The following COL4A2 variants were observed in gnomAD, a reference collection of about 807,000 sequenced individuals.
COL4A2 encodes collagen alpha-2(IV) chain.
COL4A2 carries 99 observed loss-of-function variants against 200.2 expected under a neutral mutation model. That is an observed-to-expected ratio of 0.49 (90% CI 0.42 to 0.58). The LOEUF (loss-of-function observed/expected upper bound fraction) is 0.58, where lower values mean the gene tolerates loss of function less well. Among genes scored for constraint, COL4A2 ranks in the 20% least tolerant of loss-of-function variants. COL4A2 has a pLI of 0.00. For synonymous variants in COL4A2, 897 were observed against 900.6 expected, an observed-to-expected ratio of 1.00 and a Z score of 0.07; for missense variants, 1,950 against 2,314.1, an observed-to-expected ratio of 0.84 and a Z score of 3.23.
intron 4 of COL4A2, among the ~76,000 whole-genome samples, chr13:110,397,546 A>G (rs1240643956): frequency 1.3e-5 from 2 of 152,230 alleles, no homozygotes; most frequent in African/African-American, 2.4e-5. Context: ...ATATTTCACA[A>G]TCTTGGCAAG....
Position 110,313,568 on chromosome 13 carries a change from C to T in COL4A2, c.99+5445C>T, listed in dbSNP as rs1180903478. On this transcript the variant is annotated intron_variant, in intron 3 of 47. Coordinates refer to ENST00000360467, the MANE Select transcript of COL4A2 (RefSeq NM_001846.4). ...CGCGTCCACCCGGCAGGCTCCCACCCCAGTGCCCCGTGTCCACCCGGCAGG... is the reference window on the plus strand; with the variant it reads ...CGCGTCCACCCGGCAGGCTCCCACCTCAGTGCCCCGTGTCCACCCGGCAGG... Among the ~76,000 whole-genome samples the T allele has an allele frequency of 2.1e-3, 148 of 69,054 alleles. 2 individuals are homozygous for T. Among genetic ancestry groups the T allele is most frequent in the Non-Finnish European group, 3.0e-3 (87 of 28,600 alleles). 45.3% of individuals were successfully genotyped at this position (69,054 alleles called of 152,430 possible).
At chr13:110,410,220 C>A (rs1879776723) in intron 4 of COL4A2, among the ~76,000 whole-genome samples, 1 of 152,216 alleles carries the variant, frequency 6.6e-6, no homozygotes. Flanking sequence ...GCTGCTCAGC[C>A]ACTCGTGGGC....
chr13:110,493,438 C>T (rs1379516311), intron 39 of COL4A2, among the ~76,000 whole-genome samples, 156 bp downstream of exon 39: 4 of 152,188 alleles, frequency 2.6e-5, no homozygotes, highest in African/African-American at 7.2e-5. Context: ...GGGGCGGGTC[C>T]GGGCCCTGTG....
intron 4 of COL4A2, among the ~76,000 whole-genome samples, chr13:110,389,071 G>A (rs879934735): frequency 4.6e-5 from 7 of 152,132 alleles, no homozygotes; most frequent in Admixed American, 3.3e-4. Flanking sequence ...TGTGTCTGAT[G>A]TCTTTGGTTG....
chr13:110,485,677 C>T lies in COL4A2; in HGVS notation c.3048C>T (p.Ile1016=), dbSNP rs1883095337. The T allele has an allele frequency of 5.0e-6, 8 of 1,611,050 alleles. No homozygotes were observed. Among genetic ancestry groups the T allele is most frequent in the Admixed American group, 1.7e-5 (1 of 59,438 alleles). The change falls in exon 34 of 48, where the codon ATC becomes ATT. Residue 1016 remains isoleucine (I), a synonymous_variant. Coordinates refer to ENST00000360467, the MANE Select transcript of COL4A2 (RefSeq NM_001846.4). The part of the protein sequence containing the change: ...GAKGIQGMPG[I]PGLSGIPGLP... Reference sequence around the variant, plus strand: ...CAGGTATCCAAGGAATGCCAGGCATCCCAGGGCTGTCAGGAATCCCTGGGC... The same window carrying T: ...CAGGTATCCAAGGAATGCCAGGCATTCCAGGGCTGTCAGGAATCCCTGGGC...
chr13:110,451,236 T>G (rs899194764), intron 20 of COL4A2, among the ~76,000 whole-genome samples: 1 of 152,216 alleles, frequency 6.6e-6, no homozygotes. Context: ...TTCTTTCAGC[T>G]TCAGCATTCA....
At chr13:110,433,865 T>A (rs1486868678) in intron 11 of COL4A2, among the ~76,000 whole-genome samples, 1 of 152,208 alleles carries the variant, frequency 6.6e-6, no homozygotes, top group Non-Finnish European at 1.5e-5. Flanking sequence ...GCTTTGCTTC[T>A]TAGGTAAAAA....
At position 110,484,909 on chromosome 13, in the gene COL4A2, C is replaced by A. The variant is rs750031316; in HGVS notation, c.2907C>A (p.Ser969Arg). 1.9e-6 allele frequency: 3 copies of A among 1,609,812 alleles called. No homozygotes were observed. Among genetic ancestry groups the A allele is most frequent in the East Asian group, 4.5e-5 (2 of 44,804 alleles). Residue 969 changes from serine (S) to arginine (R), a missense_variant, in exon 33 of 48, where the codon AGC (serine) becomes AGA (arginine). Physicochemically the swap from Ser to Arg is moderately radical, Grantham distance 110. Transcript: ENST00000360467. Reference protein sequence around the residue: ...GLAGEPGFKGSRGDPGPPGPP... With the variant: ...GLAGEPGFKGRRGDPGPPGPP... ...CAGCACTCTATTCCCTTCCAGGCAG[C>A]CGAGGGGACCCTGGGCCCCCAGGAC...
chr13:110,500,122 G>A (rs1381341166), intron 40 of COL4A2, among the ~76,000 whole-genome samples: 1 of 152,200 alleles, frequency 6.6e-6, no homozygotes, highest in African/African-American at 2.4e-5. Flanking sequence ...CCCCTGGGAT[G>A]GATAATGGAT....
chr13:110,401,747 G>T (rs922941796), intron 4 of COL4A2, among the ~76,000 whole-genome samples: 1 of 152,136 alleles, frequency 6.6e-6, no homozygotes, highest in Non-Finnish European at 1.5e-5. Flanking sequence ...AATACCTTAG[G>T]CTGGATAATT....
At chr13:110,460,147 G>A (rs942624926) in intron 22 of COL4A2, among the ~76,000 whole-genome samples, 2 of 152,280 alleles carry the variant, frequency 1.3e-5, no homozygotes, top group African/African-American at 4.8e-5. Flanking sequence ...AAAACAGTTG[G>A]TCAGGACACT....
intron 28 of COL4A2, among the ~76,000 whole-genome samples, chr13:110,472,305 C>T (rs1287022451): frequency 9.2e-5 from 14 of 152,030 alleles, no homozygotes; most frequent in Admixed American, 5.9e-4. Context: ...TTAGTAGAGA[C>T]GAGGTTTCAC....
intron 27 of COL4A2, among the ~76,000 whole-genome samples, chr13:110,468,546 T>G (rs2139507377): frequency 6.6e-6 from 1 of 152,276 alleles, no homozygotes; most frequent in Non-Finnish European, 1.5e-5. Flanking sequence ...TATTTCCATT[T>G]CATGCCCAGG....
intron 4 of COL4A2, among the ~76,000 whole-genome samples, chr13:110,405,664 G>T (rs887376052): frequency 6.6e-6 from 1 of 152,218 alleles, no homozygotes; most frequent in Non-Finnish European, 1.5e-5. Context: ...TTGTGAAGAC[G>T]TGGTAGCTGC....
intron 3 of COL4A2, among the ~76,000 whole-genome samples, chr13:110,320,400 C>T (rs1566471412): frequency 6.6e-6 from 1 of 152,316 alleles, no homozygotes; most frequent in East Asian, 1.9e-4. Flanking sequence ...CTGCTTCTCA[C>T]CTGATTGGAA....
chr13:110,308,186 C>T (rs1453660423), intron 3 of COL4A2, 63 bp downstream of exon 3: 8 of 1,584,352 alleles, frequency 5.0e-6, no homozygotes, highest in East Asian at 2.2e-5. Flanking sequence ...TTTGAGTGGC[C>T]TTGGAGAAGG....
In COL4A2 at chr13:110,512,505, G is replaced by A; in HGVS notation, c.*314G>A. On this transcript the variant is annotated 3_prime_UTR_variant, in exon 48 of 48. Transcript: ENST00000360467. ...CCATGTAACCACTGCACTTTCCAAT[G>A]CCACAGACAACTCACATTGTTCAAC... 5.5e-6 allele frequency: 2 copies of A among 361,298 alleles called. No individual in the cohort carries two copies. Among genetic ancestry groups the A allele is most frequent in the Non-Finnish European group, 1.0e-5 (2 of 199,664 alleles). The allele number at this position is 361,298 out of a possible 1,614,324, so 22.4% of individuals were successfully genotyped here.
At chr13:110,436,006 C>T (rs1880856158) in intron 12 of COL4A2, 2 of 554,478 alleles carry the variant, frequency 3.6e-6, no homozygotes, top group East Asian at 6.4e-5. Context: ...AACAACCCCA[C>T]AGAAACAAAT....
At chr13:110,471,182 CT>C (rs1430407238) in intron 28 of COL4A2, among the ~76,000 whole-genome samples, 6 of 152,204 alleles carry the variant, frequency 3.9e-5, no homozygotes, top group Admixed American at 3.9e-4. Context: ...TGAAAGTTCT[CT>C]GGTAATTGTG....
Sources: gnomAD v4.1 joint callset for allele counts (sites outside exome capture counted in the v4.1 genomes callset) on GRCh38, gnomAD v4.1.1 for gene constraint, MANE v1.5 for transcripts, NCBI Gene and HGNC (gene_info 2026-07-23, HGNC 2026-07-21) for gene names.